CYP4X1: variants seen among roughly 807,000 people sequenced by gnomAD.
The protein encoded by CYP4X1 is cytochrome P450 4X1.
A neutral mutation model predicts 57.9 loss-of-function variants in CYP4X1; 44 were observed. The ratio of observed to expected loss-of-function variants is 0.76; its 90% confidence interval spans 0.60 to 0.98. The LOEUF is 0.98. CYP4X1 is among the 50% of genes least tolerant of loss of function. CYP4X1 has a pLI of 0.00. For synonymous variants in CYP4X1, 227 were observed against 228.6 expected, an observed-to-expected ratio of 0.99 and a Z score of 0.06; for missense variants, 532 against 623.9, an observed-to-expected ratio of 0.85 and a Z score of 1.57.
At chr1:46,961,917 A>G in the CYP4X1 span, among the ~76,000 whole-genome samples, 1 of 151,962 alleles carries the variant, frequency 6.6e-6, no homozygotes. Flanking sequence ...AGAGAAGGGG[A>G]GAGGAGAGCT....
chr1:47,009,725 G>GCT, the CYP4X1 span, among the ~76,000 whole-genome samples: 2 of 152,070 alleles, frequency 1.3e-5, no homozygotes, highest in Non-Finnish European at 2.9e-5. Flanking sequence ...GTGATAAAGG[G>GCT]GATATCACCA....
the CYP4X1 span, among the ~76,000 whole-genome samples, chr1:46,971,141 G>C: frequency 1.3e-5 from 2 of 152,168 alleles, no homozygotes; most frequent in Middle Eastern, 3.4e-3. Flanking sequence ...ATGTGTACTC[G>C]ATGTTTAGCT....
At chr1:46,971,725 G>A in the CYP4X1 span, among the ~76,000 whole-genome samples, 2 of 152,040 alleles carry the variant, frequency 1.3e-5, no homozygotes, top group Admixed American at 6.6e-5. Flanking sequence ...ATCTTCTTTT[G>A]AGAAGTGTCT....
chr1:47,038,945 G>A (rs913223585), intron 7 of CYP4X1, among the ~76,000 whole-genome samples, 179 bp downstream of exon 7: 4 of 152,132 alleles, frequency 2.6e-5, no homozygotes, highest in African/African-American at 7.2e-5. Context: ...CAACTGTGTC[G>A]CTAGAGGAGG....
chr1:46,975,106 A>C, the CYP4X1 span, among the ~76,000 whole-genome samples: 1 of 152,192 alleles, frequency 6.6e-6, no homozygotes, highest in Admixed American at 6.5e-5. Flanking sequence ...TGTATGATTG[A>C]GTTATTATTG....
downstream of CYP4X1, among the ~76,000 whole-genome samples, chr1:47,053,360 T>C (rs995145980): frequency 6.6e-6 from 1 of 152,326 alleles, no homozygotes; most frequent in East Asian, 1.9e-4. Flanking sequence ...CTATTGTGAA[T>C]AGTGCCATAA....
intron 4 of CYP4X1, among the ~76,000 whole-genome samples, 166 bp from the exon 5 acceptor site, chr1:47,035,640 G>A (rs753564855): frequency 7.9e-5 from 12 of 151,922 alleles, no homozygotes; most frequent in South Asian, 2.1e-4. Context: ...TCCCTTCCTC[G>A]TGCCCTGTGT....
chr1:47,014,354 T>C, the CYP4X1 span, among the ~76,000 whole-genome samples: 2,686 of 152,212 alleles, frequency 0.018, 56 homozygotes, highest in East Asian at 0.048. Context: ...CCTCACTTAC[T>C]AGGAATTGGG....
At chr1:46,998,194 T>G in the CYP4X1 span, among the ~76,000 whole-genome samples, 1 of 152,094 alleles carries the variant, frequency 6.6e-6, no homozygotes, top group Non-Finnish European at 1.5e-5. Context: ...AGAAACCTAG[T>G]CTTGTTCTGT....
At chr1:47,016,403 G>A in the CYP4X1 span, among the ~76,000 whole-genome samples, 56,085 of 150,596 alleles carry the variant, frequency 0.37, 11,628 homozygotes, top group East Asian at 0.72. Context: ...GTGCAGTGGC[G>A]CTATCTTGGC....
chr1:47,028,476 G>A (rs936169246), intron 1 of CYP4X1, among the ~76,000 whole-genome samples: 1 of 152,160 alleles, frequency 6.6e-6, no homozygotes, highest in African/African-American at 2.4e-5. Flanking sequence ...ATAAATGTTC[G>A]CTGTTGCTAT....
At chr1:46,987,822 C>G in the CYP4X1 span, among the ~76,000 whole-genome samples, 477 of 152,064 alleles carry the variant, frequency 3.1e-3, 1 homozygote, top group Non-Finnish European at 5.9e-3. Flanking sequence ...AACAAAAAAG[C>G]TCTTTCAAAC....
chr1:46,962,202 C>G, the CYP4X1 span, among the ~76,000 whole-genome samples: 1 of 152,054 alleles, frequency 6.6e-6, no homozygotes, highest in Non-Finnish European at 1.5e-5. Context: ...CTGCAGCCTC[C>G]GCCTCCCGGG....
At chr1:47,025,688 T>C (rs9701154) in intron 1 of CYP4X1, among the ~76,000 whole-genome samples, 63,928 of 152,008 alleles carry the variant, frequency 0.42, 14,828 homozygotes, top group East Asian at 0.97. Flanking sequence ...TTTTCAATAT[T>C]TGTCACTATT....
chr1:47,043,624 G>A (rs907811308), intron 8 of CYP4X1, among the ~76,000 whole-genome samples: 2 of 152,258 alleles, frequency 1.3e-5, no homozygotes, highest in East Asian at 3.9e-4. Context: ...TCAGGTCTTA[G>A]ATTTAAGTCC....
At chr1:46,981,101 G>A in the CYP4X1 span, among the ~76,000 whole-genome samples, 1 of 152,096 alleles carries the variant, frequency 6.6e-6, no homozygotes, top group Admixed American at 6.5e-5. Flanking sequence ...AACACCAAAA[G>A]CAATGGCAAC....
At chr1:46,972,423 C>A in the CYP4X1 span, among the ~76,000 whole-genome samples, 1 of 152,074 alleles carries the variant, frequency 6.6e-6, no homozygotes, top group Non-Finnish European at 1.5e-5. Flanking sequence ...CTACTGGGCT[C>A]TTTTGTGGTT....
chr1:46,966,737 C>T, the CYP4X1 span, among the ~76,000 whole-genome samples: 56 of 152,272 alleles, frequency 3.7e-4, no homozygotes, highest in African/African-American at 1.3e-3. Flanking sequence ...AAATCCCATT[C>T]ACAATTAACA....
the CYP4X1 span, among the ~76,000 whole-genome samples, chr1:46,966,558 G>A: frequency 1.3e-5 from 2 of 152,122 alleles, no homozygotes; most frequent in Non-Finnish European, 2.9e-5. Flanking sequence ...GTGGGCCATT[G>A]CCTTCCTCTT....
Sources: allele counts gnomAD v4.1 joint callset (sites outside exome capture counted in the v4.1 genomes callset), GRCh38; gene constraint gnomAD v4.1.1; transcripts MANE v1.5; gene names NCBI Gene and HGNC (gene_info 2026-07-23, HGNC 2026-07-21).